Variants in DPP10 observed in about 807,000 individuals in gnomAD.
The protein encoded by DPP10 is inactive dipeptidyl peptidase 10.
A neutral mutation model predicts 120.9 loss-of-function variants in DPP10; 33 were observed. That is an observed-to-expected ratio of 0.27 (90% CI 0.21 to 0.37). DPP10 has a LOEUF of 0.37. Among genes scored for constraint, DPP10 ranks in the 10% least tolerant of loss-of-function variants. The pLI is 1.00. For missense variants in DPP10, 816 were observed against 942.8 expected, an observed-to-expected ratio of 0.87 and a Z score of 1.76; for synonymous variants, 337 against 326.1, an observed-to-expected ratio of 1.03 and a Z score of -0.36.
intron 3 of DPP10, among the ~76,000 whole-genome samples, chr2:115,480,292 T>C (rs1217486062): frequency 6.6e-6 from 1 of 152,168 alleles, no homozygotes; most frequent in Non-Finnish European, 1.5e-5. Flanking sequence ...GAGATAAGTA[T>C]AAATGTCTAA....
chr2:115,093,942 C>T (rs1404155837), intron 1 of DPP10, among the ~76,000 whole-genome samples: 3 of 151,958 alleles, frequency 2.0e-5, no homozygotes, highest in African/African-American at 7.2e-5. Context: ...GTCCATGAGA[C>T]ATACAGTTTC....
At chr2:114,951,306 A>G (rs532175649) in intron 1 of DPP10, among the ~76,000 whole-genome samples, 1 of 152,164 alleles carries the variant, frequency 6.6e-6, no homozygotes, top group South Asian at 2.1e-4. Flanking sequence ...GCTCCATACT[A>G]TTGTCATGTT....
intron 1 of DPP10, among the ~76,000 whole-genome samples, chr2:114,841,138 C>A (rs1688124668): frequency 1.3e-5 from 2 of 152,072 alleles, no homozygotes; most frequent in Admixed American, 1.3e-4. Context: ...AAAACAATAA[C>A]TATTAATTAC....
intron 1 of DPP10, among the ~76,000 whole-genome samples, chr2:114,779,235 C>T (rs931973863): frequency 5.3e-5 from 8 of 152,086 alleles, no homozygotes; most frequent in African/African-American, 1.9e-4. Flanking sequence ...TGCTCTTCAT[C>T]TGAACGAAGA....
intron 3 of DPP10, among the ~76,000 whole-genome samples, chr2:115,460,763 G>C (rs843423): frequency 0.83 from 125,973 of 152,170 alleles, 55,205 homozygotes; most frequent in Non-Finnish European, 0.97. Context: ...GCCAGGTCTT[G>C]AGAATGAGAA....
intron 1 of DPP10, among the ~76,000 whole-genome samples, chr2:114,538,785 G>A (rs980693576): frequency 8.5e-5 from 13 of 152,174 alleles, no homozygotes; most frequent in African/African-American, 3.1e-4. Context: ...TGCCACCAAA[G>A]GACCCAGACT....
intron 1 of DPP10, among the ~76,000 whole-genome samples, chr2:115,011,722 A>G (rs989054121): frequency 1.3e-5 from 2 of 152,166 alleles, no homozygotes; most frequent in African/African-American, 2.4e-5. Flanking sequence ...GGAGGCTCAC[A>G]TCCTCAACTT....
In DPP10 at chr2:114,735,519, A is replaced by C. The variant is rs77296438; in HGVS notation, c.60+292681A>C. 6.6e-3 allele frequency among the ~76,000 whole-genome samples: 999 copies of C among 152,244 alleles called. 10 individuals carry two copies. Among genetic ancestry groups the C allele is most frequent in the African/African-American group, 0.023 (956 of 41,548 alleles). ...CTAATAAACACACTGTTATTATCAT[A>C]TTAGTTTTATCCTTCCACTTATGAG... is the stretch of plus-strand genomic sequence containing the variant. On this transcript the variant is annotated intron_variant, in intron 1 of 25. Coordinates refer to ENST00000410059, the MANE Select transcript of DPP10 (RefSeq NM_020868.6).
chr2:115,363,670 A>T (rs1295427795), intron 3 of DPP10, among the ~76,000 whole-genome samples: 1 of 152,218 alleles, frequency 6.6e-6, no homozygotes, highest in South Asian at 2.1e-4. Flanking sequence ...TCACAGGCCT[A>T]TGCTTTCTAA....
chr2:115,377,663 T>C (rs1480931991), intron 3 of DPP10, among the ~76,000 whole-genome samples: 4 of 152,314 alleles, frequency 2.6e-5, no homozygotes, highest in South Asian at 2.1e-4. Context: ...CTAGGTTTTC[T>C]TCTAGGGTTT....
intron 1 of DPP10, among the ~76,000 whole-genome samples, chr2:114,824,683 T>C (rs2106370621): frequency 6.6e-6 from 1 of 152,290 alleles, no homozygotes; most frequent in East Asian, 1.9e-4. Flanking sequence ...GAAAGAATAT[T>C]AGGAAATTTT....
At position 115,470,781 on chromosome 2, in the gene DPP10, G is replaced by A. The variant is rs1033904611; in HGVS notation, c.272-28729G>A. On this transcript the variant is annotated intron_variant, in intron 3 of 25. Transcript: ENST00000410059. ...GTCTCAGTGAGATTTGCATTTTAAT[G>A]TATGATCTGTCTAATGTATTGTCTA... Among the ~76,000 whole-genome samples the A allele has an allele frequency of 3.3e-5, 5 of 152,040 alleles. No homozygotes were observed. The East Asian group carries it at 9.7e-4, about 29-fold the overall frequency.
chr2:115,368,591 A>C (rs2065214945), intron 3 of DPP10, among the ~76,000 whole-genome samples: 1 of 151,994 alleles, frequency 6.6e-6, no homozygotes, highest in African/African-American at 2.4e-5. Flanking sequence ...CACTAATTCA[A>C]ATTGAAAAAT....
intron 1 of DPP10, among the ~76,000 whole-genome samples, chr2:114,913,527 C>T (rs533736890): frequency 1.6e-4 from 25 of 152,196 alleles, no homozygotes; most frequent in Non-Finnish European, 2.5e-4. Context: ...GAAATAAAGC[C>T]GATCATCTAA....
At chr2:114,693,035 T>A (rs1369136943) in intron 1 of DPP10, among the ~76,000 whole-genome samples, 6 of 152,076 alleles carry the variant, frequency 3.9e-5, no homozygotes, top group African/African-American at 1.4e-4. Flanking sequence ...TTATCCAGCT[T>A]GCCTTTCTGT....
At chr2:115,192,318 TAATC>T (rs1479630735) in intron 1 of DPP10, among the ~76,000 whole-genome samples, 3 of 152,244 alleles carry the variant, frequency 2.0e-5, no homozygotes, top group Admixed American at 1.3e-4. Flanking sequence ...CATCTCTGTG[TAATC>T]AATCTAGGTA....
In DPP10 at chr2:115,104,277, C is replaced by A. The variant is rs192204447; in HGVS notation, c.61-204962C>A. 3.8e-3 allele frequency among the ~76,000 whole-genome samples: 560 copies of A among 146,668 alleles called. 7 individuals carry two copies. Among genetic ancestry groups the A allele is most frequent in the African/African-American group, 0.014 (543 of 39,784 alleles). ...CTCACTGCAGCCTTGACCTCCTGAGCTCAAGCAATCCTCCTGCCTAAGCCT... is the reference window on the plus strand; with the variant it reads ...CTCACTGCAGCCTTGACCTCCTGAGATCAAGCAATCCTCCTGCCTAAGCCT... On this transcript the variant is annotated intron_variant, in intron 1 of 25. Coordinates refer to ENST00000410059, the MANE Select transcript of DPP10 (RefSeq NM_020868.6).
At chr2:115,438,131 G>T (rs1343670181) in intron 3 of DPP10, among the ~76,000 whole-genome samples, 1 of 151,958 alleles carries the variant, frequency 6.6e-6, no homozygotes, top group Non-Finnish European at 1.5e-5. Flanking sequence ...CACGTGAAAA[G>T]ATGTTAAACA....
At chr2:115,778,232 ATGT>A (rs1682355180) in intron 15 of DPP10, among the ~76,000 whole-genome samples, 2 of 152,174 alleles carry the variant, frequency 1.3e-5, no homozygotes, top group African/African-American at 2.4e-5. Flanking sequence ...GTACAATATA[ATGT>A]TGTTGTGAAC....
Sources: allele counts gnomAD v4.1 joint callset (sites outside exome capture counted in the v4.1 genomes callset), GRCh38; gene constraint gnomAD v4.1.1; transcripts MANE v1.5; gene names NCBI Gene and HGNC (gene_info 2026-07-23, HGNC 2026-07-21).